The following DLG2 variants were observed in gnomAD, a reference collection of about 807,000 sequenced individuals.
DLG2 encodes disks large homolog 2.
DLG2 carries 45 observed loss-of-function variants against 132.5 expected under a neutral mutation model. The observed-to-expected ratio is 0.34, with a 90% CI of 0.27 to 0.44. The LOEUF (loss-of-function observed/expected upper bound fraction) is 0.44, where lower values mean the gene tolerates loss of function less well. DLG2 is among the 20% of genes least tolerant of loss of function. DLG2 has a pLI of 1.00. For missense variants in DLG2, 1,045 were observed against 1,196.9 expected, an observed-to-expected ratio of 0.87 and a Z score of 1.87; for synonymous variants, 424 against 419.6, an observed-to-expected ratio of 1.01 and a Z score of -0.13.
intron 7 of DLG2, among the ~76,000 whole-genome samples, chr11:84,293,093 G>T (rs1157208306): frequency 6.6e-6 from 1 of 152,020 alleles, no homozygotes; most frequent in Non-Finnish European, 1.5e-5. Context: ...AAGCAGTGTG[G>T]AGCCAATGAA....
chr11:84,722,189 T>G (rs912839486), intron 6 of DLG2, among the ~76,000 whole-genome samples: 9 of 152,242 alleles, frequency 5.9e-5, no homozygotes, highest in African/African-American at 1.9e-4. Context: ...CACATTTACA[T>G]GAATGTGGTA....
chr11:85,048,896 C>T (rs935938093), intron 6 of DLG2, among the ~76,000 whole-genome samples: 11 of 151,966 alleles, frequency 7.2e-5, no homozygotes, highest in African/African-American at 9.7e-5. Context: ...TGTGTTCTTA[C>T]GCTCTTTGTT....
chr11:84,440,085 G>A (rs7936630), intron 7 of DLG2, among the ~76,000 whole-genome samples: 226 of 152,208 alleles, frequency 1.5e-3, no homozygotes, highest in African/African-American at 5.1e-3. Flanking sequence ...TACTGGTTTT[G>A]CCTTTATGTT....
chr11:84,977,411 T>G (rs1352942057), intron 6 of DLG2, among the ~76,000 whole-genome samples: 1 of 152,168 alleles, frequency 6.6e-6, no homozygotes, highest in Non-Finnish European at 1.5e-5. Flanking sequence ...CTGACTCAAC[T>G]AGTGCAGGAA....
At chr11:83,996,792 A>G (rs2094051951) in intron 11 of DLG2, among the ~76,000 whole-genome samples, 1 of 152,152 alleles carries the variant, frequency 6.6e-6, no homozygotes, top group Non-Finnish European at 1.5e-5. Context: ...TGGACATACA[A>G]TAGAAAGTAA....
intron 4 of DLG2, among the ~76,000 whole-genome samples, chr11:85,245,826 C>T (rs188242566): frequency 2.4e-4 from 37 of 152,044 alleles, no homozygotes; most frequent in Admixed American, 5.3e-4. Context: ...TCAATGTCCT[C>T]CCTGCTTTTC....
Position 84,627,622 on chromosome 11 carries a change from C to T in DLG2, c.358-92891G>A, listed in dbSNP as rs1030773785. Among the ~76,000 whole-genome samples, 14 of 152,276 alleles carry T rather than the reference C, an allele frequency of 9.2e-5. 1 individual carries two copies. Among genetic ancestry groups the T allele is most frequent in the Middle Eastern group, 6.8e-3 (2 of 294 alleles). ...CTCTCAACAGACATTAGCTATGTAA[C>T]TGTATTAGGCTATTCTTGCATTGCC... On this transcript the variant is annotated intron_variant, in intron 6 of 27. Coordinates refer to ENST00000376104, the MANE Select transcript of DLG2 (RefSeq NM_001142699.3).
chr11:84,593,619 G>A lies in DLG2; in HGVS notation c.358-58888C>T, dbSNP rs567385990. Among the ~76,000 whole-genome samples the A allele has an allele frequency of 7.9e-5, 12 of 152,230 alleles. No homozygotes were observed. In the South Asian group the frequency reaches 2.5e-3, roughly 32 times the overall value. On this transcript the variant is annotated intron_variant, in intron 6 of 27. Coordinates refer to ENST00000376104, the MANE Select transcript of DLG2 (RefSeq NM_001142699.3). ...CAATGAGAACACATGGACACAGGGA[G>A]GGGAACATCACACATCAGGGCCTGT...
chr11:84,181,898 T>C (rs34948958), intron 8 of DLG2, among the ~76,000 whole-genome samples: 9,709 of 152,094 alleles, frequency 0.064, 384 homozygotes, highest in African/African-American at 0.097. Flanking sequence ...ACCCATAGAA[T>C]AGCAAGAAAT....
At chr11:85,049,903 T>C (rs2062727121) in intron 6 of DLG2, among the ~76,000 whole-genome samples, 1 of 152,082 alleles carries the variant, frequency 6.6e-6, no homozygotes, top group African/African-American at 2.4e-5. Context: ...AATTCGCTAA[T>C]ATCTAATATA....
At chr11:84,851,100 T>C (rs1263615061) in intron 6 of DLG2, among the ~76,000 whole-genome samples, 1 of 152,096 alleles carries the variant, frequency 6.6e-6, no homozygotes, top group South Asian at 2.1e-4. Flanking sequence ...GTAATCAGCA[T>C]CCAGAACATT....
intron 6 of DLG2, among the ~76,000 whole-genome samples, chr11:84,693,130 C>T (rs768509402): frequency 4.6e-5 from 7 of 151,670 alleles, no homozygotes; most frequent in Admixed American, 1.3e-4. Context: ...AAGAATGTCT[C>T]GTAAGTATTC....
At chr11:84,350,954 A>G (rs1179931207) in intron 7 of DLG2, among the ~76,000 whole-genome samples, 1 of 152,110 alleles carries the variant, frequency 6.6e-6, no homozygotes, top group Non-Finnish European at 1.5e-5. Flanking sequence ...TTTTCAATGT[A>G]AAAAAATGCT....
chr11:84,081,265 G>T (rs2096898998), intron 10 of DLG2, among the ~76,000 whole-genome samples: 1 of 151,978 alleles, frequency 6.6e-6, no homozygotes, highest in South Asian at 2.1e-4. Flanking sequence ...GCCAATTCTA[G>T]GTCACTGTGC....
At chr11:84,829,941 G>C (rs1227414617) in intron 6 of DLG2, among the ~76,000 whole-genome samples, 1 of 151,602 alleles carries the variant, frequency 6.6e-6, no homozygotes, top group Admixed American at 6.6e-5. Context: ...TCCAAAGATA[G>C]GATTTGAGGC....
At chr11:84,721,076 C>T (rs1383324978) in intron 6 of DLG2, among the ~76,000 whole-genome samples, 2 of 151,996 alleles carry the variant, frequency 1.3e-5, no homozygotes, top group African/African-American at 4.8e-5. Context: ...GACGTGACCC[C>T]GAGACTGCAT....
chr11:83,767,962 C>T (rs1364317027), intron 18 of DLG2, among the ~76,000 whole-genome samples: 2 of 152,158 alleles, frequency 1.3e-5, no homozygotes, highest in African/African-American at 4.8e-5. Context: ...TTGACTTCTG[C>T]TCTGTCCTCA....
At chr11:85,318,198 C>A (rs1286385920) in intron 3 of DLG2, among the ~76,000 whole-genome samples, 1 of 151,748 alleles carries the variant, frequency 6.6e-6, no homozygotes, top group East Asian at 1.9e-4. Flanking sequence ...TGAAATAAGC[C>A]AGCATATTGG....
intron 6 of DLG2, among the ~76,000 whole-genome samples, chr11:84,859,240 T>G (rs1184766237): frequency 1.3e-5 from 2 of 150,296 alleles, no homozygotes; most frequent in African/African-American, 2.4e-5. Context: ...AATAGGAGGA[T>G]ATGTGTATAT....
Sources: gnomAD v4.1 joint callset for allele counts (sites outside exome capture counted in the v4.1 genomes callset) on GRCh38, gnomAD v4.1.1 for gene constraint, MANE v1.5 for transcripts, NCBI Gene and HGNC (gene_info 2026-07-23, HGNC 2026-07-21) for gene names.